Variants in ASTN2 observed in about 807,000 individuals in gnomAD.
ASTN2 encodes astrotactin-2.
ASTN2 carries 54 observed loss-of-function variants against 139.8 expected under a neutral mutation model. That is an observed-to-expected ratio of 0.39 (90% CI 0.31 to 0.48). The LOEUF (loss-of-function observed/expected upper bound fraction) is 0.48, where lower values mean the gene tolerates loss of function less well. Ranked by LOEUF, ASTN2 falls within the 20% of genes least tolerant of loss-of-function variation. The pLI, the probability that ASTN2 is intolerant of heterozygous loss-of-function variation, is 0.95. For missense variants in ASTN2, 1,565 were observed against 1,725.1 expected, an observed-to-expected ratio of 0.91 and a Z score of 1.64; for synonymous variants, 756 against 719.5, an observed-to-expected ratio of 1.05 and a Z score of -0.81.
intron 3 of ASTN2, among the ~76,000 whole-genome samples, chr9:117,183,901 G>A (rs1038279841): frequency 1.3e-5 from 2 of 152,092 alleles, no homozygotes; most frequent in Non-Finnish European, 2.9e-5. Flanking sequence ...TTTATGGGTG[G>A]AGCAAACCTC....
intron 5 of ASTN2, among the ~76,000 whole-genome samples, chr9:117,072,015 C>G (rs918739044): frequency 6.6e-6 from 1 of 152,154 alleles, no homozygotes; most frequent in African/African-American, 2.4e-5. Context: ...TGTTCCTATT[C>G]GGCCATCTTG....
chr9:117,290,059 T>C (rs1834549671), intron 2 of ASTN2, among the ~76,000 whole-genome samples: 1 of 152,220 alleles, frequency 6.6e-6, no homozygotes, highest in African/African-American at 2.4e-5. Context: ...AAAATACTGC[T>C]GATTGTTAAA....
At chr9:116,716,463 T>C (rs1215946066) in intron 16 of ASTN2, among the ~76,000 whole-genome samples, 1 of 152,164 alleles carries the variant, frequency 6.6e-6, no homozygotes, top group African/African-American at 2.4e-5. Flanking sequence ...ACCACTGCAA[T>C]TTCTAATTGA....
chr9:116,863,093 T>G (rs1832932319), intron 11 of ASTN2, among the ~76,000 whole-genome samples: 1 of 152,118 alleles, frequency 6.6e-6, no homozygotes, highest in African/African-American at 2.4e-5. Context: ...CTTTCCCTAA[T>G]GTAAGTTGAC....
intron 1 of ASTN2, among the ~76,000 whole-genome samples, chr9:117,384,908 G>C (rs1417157395): frequency 6.6e-6 from 1 of 152,126 alleles, no homozygotes; most frequent in Non-Finnish European, 1.5e-5. Flanking sequence ...TGATCAGATG[G>C]ATAAATGGAT....
chr9:116,793,339 A>G (rs1830605647), intron 13 of ASTN2, among the ~76,000 whole-genome samples: 1 of 152,214 alleles, frequency 6.6e-6, no homozygotes, highest in Non-Finnish European at 1.5e-5. Context: ...CATTCAACAC[A>G]TATTCAGCAG....
At chr9:116,616,444 T>C (rs1325681774) in intron 19 of ASTN2, among the ~76,000 whole-genome samples, 1 of 152,174 alleles carries the variant, frequency 6.6e-6, no homozygotes, top group Non-Finnish European at 1.5e-5. Flanking sequence ...AAACTCTACA[T>C]AGTCTATAAG....
chr9:117,321,315 T>C (rs1828315748), intron 1 of ASTN2, among the ~76,000 whole-genome samples: 1 of 152,190 alleles, frequency 6.6e-6, no homozygotes, highest in East Asian at 1.9e-4. Context: ...TATTTTTGTC[T>C]CCAGAAAACC....
intron 5 of ASTN2, among the ~76,000 whole-genome samples, chr9:117,043,907 C>CAAAAAA (rs10713427): frequency 3.4e-5 from 4 of 119,168 alleles, no homozygotes; most frequent in Non-Finnish European, 3.4e-5. Context: ...GACTCTGTCT[C>CAAAAAA]AAAAAAAAAA....
intron 1 of ASTN2, among the ~76,000 whole-genome samples, chr9:117,364,387 T>A (rs1358238657): frequency 6.6e-6 from 1 of 152,150 alleles, no homozygotes; most frequent in East Asian, 1.9e-4. Flanking sequence ...CCACTGCAGA[T>A]GTAAGGTTAA....
At chr9:116,597,314 T>G (rs1007783018) in intron 19 of ASTN2, among the ~76,000 whole-genome samples, 2 of 143,658 alleles carry the variant, frequency 1.4e-5, no homozygotes, top group African/African-American at 5.1e-5. Context: ...TTTTTTTTTT[T>G]TTTTTTTTTG....
chr9:117,241,332 G>A (rs537693670), intron 2 of ASTN2, among the ~76,000 whole-genome samples: 2 of 152,284 alleles, frequency 1.3e-5, no homozygotes, highest in African/African-American at 4.8e-5. Context: ...TTTCATTCAA[G>A]TTAGAGGTCA....
chr9:117,065,976 T>A (rs1280610694), intron 5 of ASTN2, among the ~76,000 whole-genome samples: 1 of 151,904 alleles, frequency 6.6e-6, no homozygotes, highest in African/African-American at 2.4e-5. Flanking sequence ...TGTAATATGG[T>A]CAATTACTCC....
At chr9:117,273,604 C>T (rs1440754589) in intron 2 of ASTN2, among the ~76,000 whole-genome samples, 3 of 152,126 alleles carry the variant, frequency 2.0e-5, no homozygotes, top group Non-Finnish European at 4.4e-5. Context: ...AAAGACGGGG[C>T]CATGCACATG....
chr9:117,335,419 G>C (rs1436330887), intron 1 of ASTN2, among the ~76,000 whole-genome samples: 1 of 152,198 alleles, frequency 6.6e-6, no homozygotes, highest in Non-Finnish European at 1.5e-5. Flanking sequence ...ATGTTAGGAA[G>C]ACAGTCTGAT....
intron 4 of ASTN2, among the ~76,000 whole-genome samples, chr9:117,116,834 C>CAAAAAAAAAAAAAAAAA (rs72075422): frequency 4.4e-5 from 2 of 45,180 alleles, no homozygotes; most frequent in Non-Finnish European, 7.1e-5. Context: ...TGGCATGAGC[C>CAAAAAAAAAAAAAAAAA]AAAAAAAAAA....
At chr9:116,520,127 A>G (rs1287706253) in intron 19 of ASTN2, among the ~76,000 whole-genome samples, 1 of 152,076 alleles carries the variant, frequency 6.6e-6, no homozygotes. Context: ...AAAGATAAAG[A>G]GGGAATCCTC....
At chr9:116,448,536 C>T (rs1026166799) in intron 20 of ASTN2, among the ~76,000 whole-genome samples, 4 of 152,198 alleles carry the variant, frequency 2.6e-5, no homozygotes, top group Non-Finnish European at 5.9e-5. Context: ...GCTGGTGTTA[C>T]ACGTTCCAGA....
intron 7 of ASTN2, among the ~76,000 whole-genome samples, chr9:116,983,087 A>G (rs1197347749): frequency 2.0e-5 from 3 of 152,108 alleles, no homozygotes; most frequent in Admixed American, 6.5e-5. Context: ...ATCACTTATC[A>G]TCACCGGCCA....
Sources: gnomAD v4.1 joint callset for allele counts (sites outside exome capture counted in the v4.1 genomes callset) on GRCh38, gnomAD v4.1.1 for gene constraint, MANE v1.5 for transcripts, NCBI Gene and HGNC (gene_info 2026-07-23, HGNC 2026-07-21) for gene names.